The following DDHD1 variants were observed in gnomAD, a reference collection of about 807,000 sequenced individuals.
DDHD1 encodes the protein DDHD domain containing 1.
Under a neutral mutation model 96.4 loss-of-function variants are expected in DDHD1, and 49 were observed. The observed-to-expected ratio is 0.51, with a 90% CI of 0.40 to 0.64. DDHD1 has a LOEUF of 0.64. Ranked by LOEUF, DDHD1 falls within the 30% of genes least tolerant of loss-of-function variation. The pLI, the probability that DDHD1 is intolerant of heterozygous loss-of-function variation, is 0.00. For missense variants in DDHD1, 1,106 were observed against 1,161.2 expected (o/e 0.95, Z 0.69); for synonymous variants, 442 against 446.5 (o/e 0.99, Z 0.13).
intron 6 of DDHD1, among the ~76,000 whole-genome samples, chr14:53,069,241 G>A (rs1354002610): frequency 2.0e-5 from 3 of 152,054 alleles, no homozygotes; most frequent in Non-Finnish European, 2.9e-5. Flanking sequence ...AAATAATAGC[G>A]CTAGAGGAAA....
intron 1 of DDHD1, among the ~76,000 whole-genome samples, chr14:53,116,724 G>T (rs1283306532): frequency 6.6e-6 from 1 of 152,192 alleles, no homozygotes; most frequent in Non-Finnish European, 1.5e-5. Flanking sequence ...AGCTAAAGCG[G>T]TGTTAAGATG....
At chr14:53,066,009 A>G (rs1029261130) in intron 6 of DDHD1, among the ~76,000 whole-genome samples, 3 of 152,222 alleles carry the variant, frequency 2.0e-5, no homozygotes, top group African/African-American at 7.2e-5. Context: ...TGTACCGGAA[A>G]CTTTATACAC....
chr14:53,109,687 C>A (rs895684289), intron 1 of DDHD1, among the ~76,000 whole-genome samples: 2 of 152,018 alleles, frequency 1.3e-5, no homozygotes, highest in Admixed American at 1.3e-4. Flanking sequence ...TCTTCCAGAC[C>A]CAGAAGCTCA....
At chr14:53,056,066 G>A (rs1447926772) in intron 9 of DDHD1, among the ~76,000 whole-genome samples, 154 bp from the exon 10 acceptor site, 1 of 151,930 alleles carries the variant, frequency 6.6e-6, no homozygotes, top group African/African-American at 2.4e-5. Flanking sequence ...ATTTCTATTT[G>A]TTCACTGTTA....
In DDHD1 at chr14:53,047,192, CA is replaced by C. The variant is rs145245367; in HGVS notation, c.2522-244del. On this transcript the variant is annotated intron_variant, in intron 12 of 12. Transcript: ENST00000673822. ...GTTAATATAAAATAATAAAGGAAGA[CA>C]AAAAAAAATCACTTGGCATATCACA... is the stretch of plus-strand genomic sequence containing the variant. 0.032 allele frequency among the ~76,000 whole-genome samples: 4,858 copies of C among 150,060 alleles called. 249 individuals carry two copies. Among genetic ancestry groups the C allele is most frequent in the African/African-American group, 0.11 (4,428 of 40,924 alleles).
At chr14:53,113,488 T>C (rs956505301) in intron 1 of DDHD1, among the ~76,000 whole-genome samples, 5 of 151,480 alleles carry the variant, frequency 3.3e-5, no homozygotes, top group Non-Finnish European at 7.4e-5. Context: ...AGCTCTGGTC[T>C]GCAGGTCCCA....
At position 53,046,020 on chromosome 14, in the gene DDHD1, GTGT is replaced by G. The variant is rs2139802492; in HGVS notation, c.*745_*747del. The G allele has an allele frequency of 6.6e-6, 1 of 152,202 alleles. No individual in the cohort carries two copies. The highest frequency in any genetic ancestry group is 1.9e-4 in the East Asian group (1 of 5,186). The allele number at this position is 152,202 out of a possible 1,614,324, so 9.4% of individuals were successfully genotyped here. A position where few individuals can be genotyped will look rare whatever the true frequency, so the allele number is the denominator to read the frequency against. On this transcript the variant is annotated 3_prime_UTR_variant, in exon 13 of 13. Transcript: ENST00000673822. Reference sequence around the variant, plus strand: ...AAAGTTTATTTAAAAAATTGAACTAGTGTTGTATGAAGCCATAAGTTTTTAATG... The same window carrying G: ...AAAGTTTATTTAAAAAATTGAACTAGTGTATGAAGCCATAAGTTTTTAATG...
chr14:53,065,836 A>G (rs533747097), intron 6 of DDHD1, among the ~76,000 whole-genome samples: 1 of 152,320 alleles, frequency 6.6e-6, no homozygotes, highest in Non-Finnish European at 1.5e-5. Context: ...TTGTTACTAC[A>G]AAGTTCATTA....
intron 4 of DDHD1, among the ~76,000 whole-genome samples, chr14:53,084,224 T>C (rs943340337): frequency 1.3e-5 from 2 of 152,208 alleles, no homozygotes; most frequent in Non-Finnish European, 2.9e-5. Context: ...AGATGTGTGA[T>C]AATGGCTCCA....
intron 1 of DDHD1, among the ~76,000 whole-genome samples, chr14:53,135,986 C>T (rs112207692): frequency 2.1e-3 from 318 of 152,320 alleles, no homozygotes; most frequent in African/African-American, 7.4e-3. Context: ...TGAAGATCCA[C>T]AAAAGTGAAA....
At chr14:53,089,075 A>G (rs1262752418) in intron 4 of DDHD1, among the ~76,000 whole-genome samples, 10 of 152,200 alleles carry the variant, frequency 6.6e-5, no homozygotes, top group African/African-American at 2.2e-4. Context: ...ATTGCTTCAA[A>G]GAGAATAAAA....
In DDHD1 at chr14:53,110,747, G is replaced by A. The variant is rs544908877; in HGVS notation, c.839-6891C>T. ...TCCCAGCACTTAAGGACGCTGAGGT[G>A]GGCGGATCATCTGAGGTCACGAGTT... On this transcript the variant is annotated intron_variant, in intron 1 of 12. Coordinates refer to ENST00000673822, the MANE Select transcript of DDHD1 (RefSeq NM_001160148.2). Among the ~76,000 whole-genome samples the A allele has an allele frequency of 3.9e-5, 6 of 152,226 alleles. No homozygotes were observed. The South Asian group carries it at 1.2e-3, about 32-fold the overall frequency.
intron 2 of DDHD1, among the ~76,000 whole-genome samples, chr14:53,101,351 G>A (rs897582514): frequency 6.6e-6 from 1 of 151,964 alleles, no homozygotes; most frequent in African/African-American, 2.4e-5. Context: ...ATAAATATAT[G>A]TTTAATATTG....
At chr14:53,050,661 A>T (rs376410876) in intron 12 of DDHD1, among the ~76,000 whole-genome samples, 100 of 152,216 alleles carry the variant, frequency 6.6e-4, no homozygotes, top group African/African-American at 2.2e-3. Flanking sequence ...AATTTGTTTC[A>T]TCTTATCTTT....
At chr14:53,112,481 T>C (rs1222476236) in intron 1 of DDHD1, among the ~76,000 whole-genome samples, 2 of 152,150 alleles carry the variant, frequency 1.3e-5, no homozygotes, top group Non-Finnish European at 2.9e-5. Context: ...TTAATTGCTA[T>C]ATCAAAGCCT....
rs760306971 is a variant in DDHD1, at chr14:53,046,806, G to A, written c.2665C>T (p.His889Tyr). The A allele has an allele frequency of 2.7e-5, 43 of 1,611,032 alleles. No homozygotes were observed. In the Middle Eastern group the frequency reaches 9.9e-4, roughly 37 times the overall value. ...FLLTFMYKHE[H>Y]DDDAKPNLDP... The stretch of plus-strand genomic sequence containing the variant: ...AAATTGGGTTTTGCATCATCATCGT[G>A]CTCATGTTTATACATGAAGGTTAAA... Residue 889 changes from histidine (H) to tyrosine (Y), a missense_variant, in exon 13 of 13, where the codon CAC becomes TAC. Physicochemically the swap from His to Tyr is moderately conservative, Grantham distance 83. Around this residue, in one of 2 missense-constraint regions of DDHD1, gnomAD observed 650 missense variants for 758.8 expected, o/e 0.86. Transcript: ENST00000673822.
intron 1 of DDHD1, among the ~76,000 whole-genome samples, chr14:53,126,303 G>A (rs1889432520): frequency 6.6e-6 from 1 of 152,166 alleles, no homozygotes; most frequent in Admixed American, 6.5e-5. Context: ...GGGTGAAATA[G>A]AAGTGAATAT....
At chr14:53,054,338 T>A in intron 11 of DDHD1, 100 bp downstream of exon 11, 1 of 1,028,972 alleles carries the variant, frequency 9.7e-7, no homozygotes, top group Admixed American at 2.6e-5. Flanking sequence ...ACTTTAGATC[T>A]TAGAGTTGAC....
chr14:53,125,072 C>T (rs1215411682), intron 1 of DDHD1, among the ~76,000 whole-genome samples: 1 of 152,088 alleles, frequency 6.6e-6, no homozygotes, highest in Non-Finnish European at 1.5e-5. Flanking sequence ...TTAGGACCTA[C>T]CCTAAATGTC....
Sources: gnomAD v4.1 joint callset for allele counts (sites outside exome capture counted in the v4.1 genomes callset) on GRCh38, gnomAD v4.1.1 for gene constraint, gnomAD v4.1.1 regional missense constraint, MANE v1.5 for transcripts, NCBI Gene and HGNC (gene_info 2026-07-23, HGNC 2026-07-21) for gene names.